The following DDAH1 variants were observed in gnomAD, a reference collection of about 807,000 sequenced individuals.
DDAH1 encodes N(G),N(G)-dimethylarginine dimethylaminohydrolase 1.
Under a neutral mutation model 28.8 loss-of-function variants are expected in DDAH1, and 19 were observed. That is an observed-to-expected ratio of 0.66 (90% CI 0.46 to 0.97). The LOEUF is 0.97. Among genes scored for constraint, DDAH1 ranks in the 50% least tolerant of loss-of-function variants. DDAH1 has a pLI of 0.00. For synonymous variants in DDAH1, 153 were observed against 154.4 expected (o/e 0.99, Z 0.07); for missense variants, 326 against 375.9 (o/e 0.87, Z 1.10).
rs796875597 is a variant in DDAH1 at position 85,379,603 on chromosome 1, T to G, written c.304-20756A>C. Reference sequence around the variant, plus strand: ...TACATAACTTGTGAAAGAGTCAGCCTGCAGAGCCACACCACACACCACTCT... The same window carrying G: ...TACATAACTTGTGAAAGAGTCAGCCGGCAGAGCCACACCACACACCACTCT... On this transcript the variant is annotated intron_variant, in intron 1 of 5. Coordinates refer to ENST00000284031, the MANE Select transcript of DDAH1 (RefSeq NM_012137.4). 1.0e-5 allele frequency: 10 copies of G among 985,426 alleles called. No homozygotes were observed. In the East Asian group the frequency reaches 3.4e-4, roughly 34 times the overall value. 61.0% of individuals were successfully genotyped at this position (985,426 alleles called of 1,614,324 possible).
At chr1:85,508,053 T>C (rs1246864964) in intron 1 of DDAH1, among the ~76,000 whole-genome samples, 1 of 152,236 alleles carries the variant, frequency 6.6e-6, no homozygotes, top group Non-Finnish European at 1.5e-5. Flanking sequence ...TTGTCCCGTA[T>C]TAGTGATTCT....
intron 2 of DDAH1, among the ~76,000 whole-genome samples, chr1:85,470,654 G>A (rs1485378171): frequency 1.3e-5 from 2 of 152,162 alleles, no homozygotes; most frequent in African/African-American, 2.4e-5. Flanking sequence ...AATGTTTACC[G>A]TGAAAGAAAC....
chr1:85,397,036 TAAAAAA>T (rs34296620), intron 1 of DDAH1, among the ~76,000 whole-genome samples: 1 of 145,558 alleles, frequency 6.9e-6, no homozygotes, highest in African/African-American at 2.5e-5. Context: ...GACCCTGTCT[TAAAAAA>T]AAAAAAAAAG....
chr1:85,480,020 T>C (rs4949907), intron 2 of DDAH1, among the ~76,000 whole-genome samples: 27,992 of 152,226 alleles, frequency 0.18, 2,672 homozygotes, highest in African/African-American at 0.22. Context: ...GGAACAACTA[T>C]GAGCAATTAA....
At chr1:85,323,982 A>AC (rs1661460835) in intron 5 of DDAH1, among the ~76,000 whole-genome samples, 1 of 151,518 alleles carries the variant, frequency 6.6e-6, no homozygotes, top group Non-Finnish European at 1.5e-5. Flanking sequence ...AAAAAAAAAA[A>AC]AAAAGGACTG....
At chr1:85,346,736 TGTTA>T (rs1648871140) in intron 4 of DDAH1, among the ~76,000 whole-genome samples, 2 of 131,920 alleles carry the variant, frequency 1.5e-5, no homozygotes, top group Non-Finnish European at 3.4e-5. Context: ...TATATTTCTA[TGTTA>T]GTTAGCAATT....
chr1:85,431,152 T>C (rs1653670437), intron 1 of DDAH1, among the ~76,000 whole-genome samples: 2 of 152,176 alleles, frequency 1.3e-5, no homozygotes. Flanking sequence ...GAGATAATCA[T>C]GTGGTTTTTG....
intron 1 of DDAH1, among the ~76,000 whole-genome samples, chr1:85,512,606 G>A (rs1233999863): frequency 2.0e-5 from 3 of 152,156 alleles, no homozygotes; most frequent in South Asian, 2.1e-4. Flanking sequence ...AAACCCCATC[G>A]TCTCAGCCCC....
Position 85,364,484 on chromosome 1 carries a change from G to T in DDAH1, c.304-5637C>A, listed in dbSNP as rs76510203. Among the ~76,000 whole-genome samples the T allele has an allele frequency of 3.1e-3, 473 of 151,830 alleles. 3 individuals carry two copies. The highest frequency in any genetic ancestry group is 0.011 in the African/African-American group (449 of 41,414). On this transcript the variant is annotated intron_variant, in intron 1 of 5. Transcript: ENST00000284031. ...ACCTGCATATTCATTACTACCCTTTGATTTGGAGATGCCTTAGGTTTGTTC... is the reference window on the plus strand; with the variant it reads ...ACCTGCATATTCATTACTACCCTTTTATTTGGAGATGCCTTAGGTTTGTTC...
rs369403491 is a variant in DDAH1, at chr1:85,508,515, G to T, written c.-122-12234C>A. ...GGAGGGCAAGCTGAAGCAGGGCGGG[G>T]TGTTGCCTCACCTGAGAAGTGCAAG... On this transcript the variant is annotated intron_variant, in intron 1 of 6. Transcript: ENST00000426972. 2.0e-5 allele frequency among the ~76,000 whole-genome samples: 3 copies of T among 152,332 alleles called. No homozygotes were observed. The South Asian group carries it at 6.2e-4, about 32-fold the overall frequency.
Position 85,577,103 on chromosome 1 carries a change from T to C in DDAH1, c.-123+881A>G, listed in dbSNP as rs534153588. The stretch of plus-strand genomic sequence containing the variant: ...CGATTCTTGGCAACCGCGGTGACTG[T>C]GGGCGCGCGGGCGGGGTGGCCGGCA... On this transcript the variant is annotated intron_variant, in intron 1 of 6. Coordinates refer to the DDAH1 transcript ENST00000426972. Among the ~76,000 whole-genome samples, 7 of 151,958 alleles carry C rather than the reference T, an allele frequency of 4.6e-5. No homozygotes were observed. The East Asian group carries it at 1.4e-3, about 30-fold the overall frequency.
At chr1:85,332,219 C>T (rs780897443) in intron 4 of DDAH1, among the ~76,000 whole-genome samples, 3 of 152,302 alleles carry the variant, frequency 2.0e-5, no homozygotes, top group Middle Eastern at 6.8e-3. Flanking sequence ...ACCCCTGTAT[C>T]TTCACATCCC....
chr1:85,409,015 T>C (rs1032724256), intron 1 of DDAH1, among the ~76,000 whole-genome samples: 4 of 152,180 alleles, frequency 2.6e-5, no homozygotes, highest in African/African-American at 9.6e-5. Context: ...CAGTAACTGA[T>C]AGTCTAGACC....
chr1:85,409,669 G>A (rs1652558216), intron 1 of DDAH1, among the ~76,000 whole-genome samples: 1 of 151,978 alleles, frequency 6.6e-6, no homozygotes, highest in Non-Finnish European at 1.5e-5. Flanking sequence ...TCCACAGCAG[G>A]GATTTACTTC....
At chr1:85,346,073 T>C (rs1401496644) in intron 4 of DDAH1, among the ~76,000 whole-genome samples, 2 of 152,210 alleles carry the variant, frequency 1.3e-5, no homozygotes, top group African/African-American at 4.8e-5. Flanking sequence ...TTACAAAGTA[T>C]TTCAAATGCA....
At chr1:85,511,583 C>T (rs1657235338) in intron 1 of DDAH1, among the ~76,000 whole-genome samples, 1 of 151,954 alleles carries the variant, frequency 6.6e-6, no homozygotes, top group Non-Finnish European at 1.5e-5. Flanking sequence ...AAAAGATCAA[C>T]AAAATTGATA....
At chr1:85,395,805 T>G (rs1001450294) in intron 1 of DDAH1, among the ~76,000 whole-genome samples, 5 of 152,166 alleles carry the variant, frequency 3.3e-5, no homozygotes, top group African/African-American at 1.2e-4. Flanking sequence ...TTGGCTAAAA[T>G]TAAAAAAGAA....
intron 2 of DDAH1, among the ~76,000 whole-genome samples, chr1:85,476,887 A>T (rs1446845744): frequency 1.3e-5 from 2 of 152,176 alleles, no homozygotes; most frequent in East Asian, 3.9e-4. Flanking sequence ...CAGGGTCCAT[A>T]ATACACAACT....
At chr1:85,373,282 T>C (rs1346590593) in intron 1 of DDAH1, among the ~76,000 whole-genome samples, 1 of 152,156 alleles carries the variant, frequency 6.6e-6, no homozygotes, top group Non-Finnish European at 1.5e-5. Context: ...TAACATACTT[T>C]AGTGCTCAAT....
Sources: gnomAD v4.1 joint callset for allele counts (sites outside exome capture counted in the v4.1 genomes callset) on GRCh38, gnomAD v4.1.1 for gene constraint, MANE v1.5 for transcripts, NCBI Gene and HGNC (gene_info 2026-07-23, HGNC 2026-07-21) for gene names.